Variants in CDH18 observed in about 807,000 individuals in gnomAD.
CDH18 encodes the protein cadherin-18.
Under a neutral mutation model 67.9 loss-of-function variants are expected in CDH18, and 31 were observed. The ratio of observed to expected loss-of-function variants is 0.46; its 90% CI spans 0.34 to 0.62. The LOEUF is 0.62. CDH18 is among the 20% of genes least tolerant of loss of function. The pLI is 0.01. For missense variants in CDH18, 890 were observed against 975.5 expected (o/e 0.91, Z 1.17); for synonymous variants, 362 against 347.2 (o/e 1.04, Z -0.48).
chr5:19,499,450 C>G (rs796269118), intron 11 of CDH18, among the ~76,000 whole-genome samples: 1 of 151,920 alleles, frequency 6.6e-6, no homozygotes, highest in East Asian at 1.9e-4. Context: ...AATTTCTGAA[C>G]ATATATATAG....
At chr5:20,212,830 CTG>C (rs1183138581) in intron 2 of CDH18, among the ~76,000 whole-genome samples, 1 of 152,036 alleles carries the variant, frequency 6.6e-6, no homozygotes. Flanking sequence ...GGACCTTGCT[CTG>C]TATTAGATTT....
At chr5:19,636,589 C>T (rs973560894) in intron 5 of CDH18, among the ~76,000 whole-genome samples, 8 of 151,808 alleles carry the variant, frequency 5.3e-5, no homozygotes, top group Non-Finnish European at 7.4e-5. Flanking sequence ...TACCTCTAAT[C>T]TCCAACATTT....
At chr5:19,872,058 C>T (rs1024563793) in intron 2 of CDH18, among the ~76,000 whole-genome samples, 1 of 152,074 alleles carries the variant, frequency 6.6e-6, no homozygotes, top group African/African-American at 2.4e-5. Flanking sequence ...ATACATATTT[C>T]CTTAGAGTTT....
intron 1 of CDH18, among the ~76,000 whole-genome samples, chr5:20,356,751 C>CTATATATATATATA (rs376251008): frequency 7.9e-6 from 1 of 127,070 alleles, no homozygotes; most frequent in African/African-American, 3.1e-5. Context: ...CTCTCTCTCT[C>CTATATATATATATA]TCTATATATA....
At chr5:19,731,970 G>A (rs1345680391) in intron 4 of CDH18, among the ~76,000 whole-genome samples, 1 of 151,632 alleles carries the variant, frequency 6.6e-6, no homozygotes. Flanking sequence ...CACACCTGTA[G>A]TTCTAGCTAC....
chr5:20,184,734 A>G (rs970364493), intron 2 of CDH18, among the ~76,000 whole-genome samples: 11 of 152,112 alleles, frequency 7.2e-5, no homozygotes, highest in African/African-American at 2.7e-4. Context: ...CAATCAAAGA[A>G]ATACATTCTC....
At chr5:20,047,577 T>C (rs1741019586) in intron 2 of CDH18, among the ~76,000 whole-genome samples, 1 of 151,856 alleles carries the variant, frequency 6.6e-6, no homozygotes, top group Admixed American at 6.6e-5. Context: ...AATAGAACTA[T>C]AACACTCAAA....
chr5:20,142,982 T>C (rs1401398509), intron 2 of CDH18, among the ~76,000 whole-genome samples: 1 of 152,106 alleles, frequency 6.6e-6, no homozygotes, highest in East Asian at 1.9e-4. Flanking sequence ...CTGAAAAATA[T>C]AGAGGTAGTT....
At chr5:20,233,139 C>T (rs1742202177) in intron 2 of CDH18, among the ~76,000 whole-genome samples, 1 of 151,208 alleles carries the variant, frequency 6.6e-6, no homozygotes, top group African/African-American at 2.4e-5. Context: ...AACTCTAATT[C>T]CCCTAGCCCT....
At chr5:20,102,419 G>A (rs549233897) in intron 2 of CDH18, among the ~76,000 whole-genome samples, 1 of 152,206 alleles carries the variant, frequency 6.6e-6, no homozygotes, top group East Asian at 1.9e-4. Context: ...GATGGCTTCC[G>A]CAAATTATGG....
chr5:19,847,306 G>T (rs561679662), intron 2 of CDH18, among the ~76,000 whole-genome samples: 2 of 151,818 alleles, frequency 1.3e-5, no homozygotes, highest in East Asian at 3.9e-4. Flanking sequence ...TTTTCCTTCA[G>T]TGTTTTATAT....
intron 5 of CDH18, among the ~76,000 whole-genome samples, chr5:19,657,865 A>C (rs907087680): frequency 2.6e-5 from 4 of 152,088 alleles, no homozygotes; most frequent in African/African-American, 9.7e-5. Context: ...TTCTTAACAG[A>C]AAGTCTGCAG....
At chr5:20,523,975 T>C (rs2126530376) in intron 1 of CDH18, among the ~76,000 whole-genome samples, 1 of 152,346 alleles carries the variant, frequency 6.6e-6, no homozygotes, top group South Asian at 2.1e-4. Context: ...ATGCACAGAC[T>C]AAGTCAAAGT....
At chr5:20,477,679 C>A (rs73764403) in intron 1 of CDH18, among the ~76,000 whole-genome samples, 8,380 of 152,206 alleles carry the variant, frequency 0.055, 768 homozygotes, top group African/African-American at 0.19. Context: ...ATCTGGAATG[C>A]AAAATAACTT....
chr5:20,188,100 T>C (rs772316400), intron 2 of CDH18, among the ~76,000 whole-genome samples: 35 of 151,948 alleles, frequency 2.3e-4, no homozygotes, highest in Non-Finnish European at 4.9e-4. Flanking sequence ...TACTTTTGTT[T>C]ATAGTACTTT....
Position 20,240,096 on chromosome 5 carries a change from G to A in CDH18, c.-518+15348C>T, listed in dbSNP as rs527841345. On this transcript the variant is annotated intron_variant, in intron 2 of 14. Transcript: ENST00000507958. ...GTTAATGGGTGCAGCAAACCAACAC[G>A]GCACACGTATACATATGTAACAAAC... is the stretch of plus-strand genomic sequence containing the variant. Among the ~76,000 whole-genome samples, 41 of 151,592 alleles carry A rather than the reference G, an allele frequency of 2.7e-4. 1 individual carries two copies. The East Asian group carries it at 3.7e-3, about 14-fold the overall frequency.
chr5:19,742,266 C>T (rs1769310735), intron 4 of CDH18, among the ~76,000 whole-genome samples: 1 of 152,090 alleles, frequency 6.6e-6, no homozygotes, highest in African/African-American at 2.4e-5. Context: ...AAACAATAAT[C>T]TGATAAAATC....
chr5:20,256,972 A>ATCTATCTGTCTAATC (rs374238378), intron 1 of CDH18, among the ~76,000 whole-genome samples: 1 of 141,204 alleles, frequency 7.1e-6, no homozygotes, highest in African/African-American at 2.7e-5. Flanking sequence ...TAATCTATCT[A>ATCTATCTGTCTAATC]TATCTATATC....
intron 2 of CDH18, among the ~76,000 whole-genome samples, chr5:20,185,988 A>T (rs1738070667): frequency 6.6e-6 from 1 of 152,052 alleles, no homozygotes; most frequent in South Asian, 2.1e-4. Context: ...AGAAGAGGAA[A>T]ATGGTAGAGG....
Sources: allele counts gnomAD v4.1 joint callset (sites outside exome capture counted in the v4.1 genomes callset), GRCh38; gene constraint gnomAD v4.1.1; transcripts MANE v1.5; gene names NCBI Gene and HGNC (gene_info 2026-07-23, HGNC 2026-07-21).